TP63: variants seen among roughly 807,000 people sequenced by gnomAD.
The protein encoded by TP63 is tumor protein p63.
In TP63, 17 loss-of-function variants were observed where a neutral mutation model predicts 82.8. The ratio of observed to expected loss-of-function variants is 0.21; its 90% CI spans 0.14 to 0.31. The LOEUF is 0.31. TP63 is among the 10% of genes least tolerant of loss of function. TP63 has a pLI of 1.00. For missense variants in TP63, 648 were observed against 895.3 expected (o/e 0.72, Z 3.52); for synonymous variants, 330 against 321.7 (o/e 1.03, Z -0.28).
chr3:189,631,068 A>T (rs73889774), upstream of TP63, among the ~76,000 whole-genome samples: 2 of 152,118 alleles, frequency 1.3e-5, no homozygotes, highest in South Asian at 4.1e-4. Context: ...CAGGGTGGAC[A>T]CTCATCAGCT....
intron 4 of TP63, among the ~76,000 whole-genome samples, chr3:189,813,651 C>T (rs1453550777): frequency 1.3e-5 from 2 of 151,790 alleles, no homozygotes; most frequent in African/African-American, 4.8e-5. Flanking sequence ...AAGTAAGGAC[C>T]CTACCCTTGG....
intron 3 of TP63, among the ~76,000 whole-genome samples, chr3:189,755,312 T>C (rs2108528348): frequency 6.6e-6 from 1 of 152,270 alleles, no homozygotes; most frequent in African/African-American, 2.4e-5. Context: ...AATTTATACA[T>C]TTCTCACATT....
chr3:189,746,830 C>T (rs1436424064), intron 3 of TP63, among the ~76,000 whole-genome samples: 2 of 150,448 alleles, frequency 1.3e-5, no homozygotes, highest in Non-Finnish European at 3.0e-5. Flanking sequence ...TACACACACA[C>T]ACACATATGA....
chr3:189,771,311 ATATATTATATATTTAT>A (rs1723332390), intron 3 of TP63, among the ~76,000 whole-genome samples: 1 of 138,096 alleles, frequency 7.2e-6, no homozygotes, highest in East Asian at 2.0e-4. Context: ...TATATATATA[ATATATTATATATTTAT>A]ATATAATATA....
intron 10 of TP63, among the ~76,000 whole-genome samples, chr3:189,875,605 T>TATATATATAC (rs1399182495): frequency 1.7e-5 from 1 of 58,694 alleles, no homozygotes; most frequent in Non-Finnish European, 3.9e-5. Flanking sequence ...TATATATATA[T>TATATATATAC]ATATATATAT....
chr3:189,845,545 T>A (rs1177441705), intron 4 of TP63, among the ~76,000 whole-genome samples: 1 of 152,094 alleles, frequency 6.6e-6, no homozygotes, highest in East Asian at 1.9e-4. Context: ...TCTCTCTTTT[T>A]TAAAGAAACT....
chr3:189,762,254 G>A (rs1722639437), intron 3 of TP63, among the ~76,000 whole-genome samples: 2 of 152,176 alleles, frequency 1.3e-5, no homozygotes, highest in South Asian at 2.1e-4. Flanking sequence ...ATATGGCAAA[G>A]AAACATATTT....
rs148745506 is a variant in TP63 at position 189,683,031 on chromosome 3, T to A, written c.62+51454T>A. On this transcript the variant is annotated intron_variant, in intron 1 of 13. Coordinates refer to ENST00000264731, the MANE Select transcript of TP63 (RefSeq NM_003722.5). ...TTATGCTTCAGATGCTTTTATTATTTCCATTATACAGATGAGGAAACTCAG... is the reference window on the plus strand; with the variant it reads ...TTATGCTTCAGATGCTTTTATTATTACCATTATACAGATGAGGAAACTCAG... Among the ~76,000 whole-genome samples, 635 of 152,262 alleles carry A rather than the reference T, an allele frequency of 4.2e-3. 5 individuals are homozygous for A. Among genetic ancestry groups the A allele is most frequent in the African/African-American group, 0.014 (594 of 41,540 alleles).
chr3:189,789,742 T>G, intron 3 of TP63: 2 of 1,529,848 alleles, frequency 1.3e-6, no homozygotes, highest in East Asian at 5.0e-5. Flanking sequence ...GGTGGGGGGG[T>G]TGGCAAAATC....
intron 4 of TP63, among the ~76,000 whole-genome samples, chr3:189,858,486 A>G (rs149344803): frequency 0.011 from 1,651 of 152,144 alleles, 33 homozygotes; most frequent in African/African-American, 0.038. Context: ...ACATAATGAA[A>G]TCCTGAGGTT....
At chr3:189,834,856 A>G (rs1712886817) in intron 4 of TP63, among the ~76,000 whole-genome samples, 2 of 151,304 alleles carry the variant, frequency 1.3e-5, no homozygotes, top group Admixed American at 6.6e-5. Flanking sequence ...TTGTTGAAAC[A>G]TAATAGATGT....
the TP63 span, among the ~76,000 whole-genome samples, chr3:189,624,631 A>C: frequency 6.6e-6 from 1 of 152,226 alleles, no homozygotes; most frequent in Non-Finnish European, 1.5e-5. Flanking sequence ...TATTTCATGC[A>C]TTCTCATCAT....
At chr3:189,752,082 G>A (rs75753508) in intron 3 of TP63, among the ~76,000 whole-genome samples, 7,853 of 152,166 alleles carry the variant, frequency 0.052, 309 homozygotes, top group African/African-American at 0.11. Context: ...TCTTGGGTAA[G>A]TTTGGTAAAT....
intron 1 of TP63, among the ~76,000 whole-genome samples, chr3:189,663,728 A>G (rs1448914481): frequency 2.6e-5 from 4 of 151,852 alleles, no homozygotes; most frequent in Admixed American, 2.6e-4. Flanking sequence ...GGATTTCACC[A>G]TCTTGGCCAG....
intron 3 of TP63, among the ~76,000 whole-genome samples, chr3:189,789,123 C>G (rs1724867487): frequency 6.6e-6 from 1 of 151,988 alleles, no homozygotes; most frequent in Admixed American, 6.6e-5. Flanking sequence ...TGGCATTTCT[C>G]TGGGGAAAAT....
intron 4 of TP63, among the ~76,000 whole-genome samples, chr3:189,862,421 G>C (rs761342323): frequency 5.9e-5 from 9 of 151,708 alleles, no homozygotes; most frequent in Non-Finnish European, 1.2e-4. Flanking sequence ...CTTTTATACT[G>C]TACTCTCTCG....
chr3:189,800,116 A>G (rs1726129603), intron 3 of TP63, among the ~76,000 whole-genome samples: 1 of 152,180 alleles, frequency 6.6e-6, no homozygotes. Context: ...ATCTGTCTGA[A>G]CAGTCAAAGA....
At chr3:189,620,062 G>T in the TP63 span, among the ~76,000 whole-genome samples, 1 of 152,196 alleles carries the variant, frequency 6.6e-6, no homozygotes, top group Admixed American at 6.5e-5. Flanking sequence ...GGAAGAAGGG[G>T]GGCACTTCAG....
intron 3 of TP63, among the ~76,000 whole-genome samples, chr3:189,773,147 G>A (rs1723500375): frequency 6.6e-6 from 1 of 152,182 alleles, no homozygotes; most frequent in South Asian, 2.1e-4. Flanking sequence ...TGATCTTGAT[G>A]CAATGTTTTG....
Sources: gnomAD v4.1 joint callset for allele counts (sites outside exome capture counted in the v4.1 genomes callset) on GRCh38, gnomAD v4.1.1 for gene constraint, MANE v1.5 for transcripts, NCBI Gene and HGNC (gene_info 2026-07-23, HGNC 2026-07-21) for gene names.